Variants in ARHGAP6 observed in about 807,000 individuals in gnomAD.
ARHGAP6 encodes the protein rho GTPase-activating protein 6.
ARHGAP6 carries 16 observed loss-of-function variants against 55.7 expected under a neutral mutation model. The observed-to-expected ratio is 0.29, with a 90% CI of 0.19 to 0.44. ARHGAP6 has a LOEUF of 0.44. Ranked by LOEUF, ARHGAP6 falls within the 20% of genes least tolerant of loss-of-function variation. The pLI is 1.00. For missense variants in ARHGAP6, 698 were observed against 808.9 expected (o/e 0.86, Z 1.66); for synonymous variants, 382 against 360.9 (o/e 1.06, Z -0.66).
At chrX:11,254,258 T>A (rs2047462747) in intron 2 of ARHGAP6, among the ~76,000 whole-genome samples, 1 of 111,980 alleles carries the variant, frequency 8.9e-6, no homozygotes, top group Non-Finnish European at 1.9e-5. Context: ...TTCCTGAAAA[T>A]TATTTTTAAT....
chrX:11,254,739 T>C, intron 1 of ARHGAP6, 32 bp from the exon 2 acceptor site: 1 of 708,745 alleles, frequency 1.4e-6, no homozygotes. Flanking sequence ...AAAAAAAAAA[T>C]CAAGAGTTAC....
At chrX:11,645,377 T>C (rs2052516365) in intron 1 of ARHGAP6, among the ~76,000 whole-genome samples, 2 of 111,225 alleles carry the variant, frequency 1.8e-5, no homozygotes, top group South Asian at 7.5e-4. Flanking sequence ...AAACATCTCA[T>C]CCACAGTAGC....
At chrX:11,224,324 A>C in intron 2 of ARHGAP6, 1 of 442,126 alleles carries the variant, frequency 2.3e-6, no homozygotes, top group Non-Finnish European at 3.0e-6. Context: ...AGAGAGAAGA[A>C]GGAGAAGAAC....
intron 9 of ARHGAP6, among the ~76,000 whole-genome samples, chrX:11,162,495 C>T (rs937379478): frequency 6.3e-5 from 7 of 111,215 alleles, no homozygotes; most frequent in African/African-American, 2.3e-4. Context: ...AAGGTCTTAC[C>T]TGCACTTCTA....
chrX:11,448,156 G>T lies in ARHGAP6; in HGVS notation c.589-193449C>A, dbSNP rs749268752. 2.0e-4 allele frequency among the ~76,000 whole-genome samples: 23 copies of T among 112,317 alleles called. No homozygotes were observed. The South Asian group carries it at 7.0e-3, about 34-fold the overall frequency. On this transcript the variant is annotated intron_variant, in intron 1 of 12. Transcript: ENST00000337414. Reference sequence around the variant, plus strand: ...TCTCTGTCATGCATCCACTATAATTGTACCACTTGGAAATCTTAACCTCAA... The same window carrying T: ...TCTCTGTCATGCATCCACTATAATTTTACCACTTGGAAATCTTAACCTCAA...
intron 1 of ARHGAP6, among the ~76,000 whole-genome samples, chrX:11,470,590 A>C (rs1195638361): frequency 3.5e-5 from 4 of 112,943 alleles, no homozygotes; most frequent in African/African-American, 1.3e-4. Context: ...TTTTGAACTT[A>C]GATTTAGAAG....
chrX:11,528,051 C>T (rs745890423), intron 1 of ARHGAP6, among the ~76,000 whole-genome samples: 2 of 112,412 alleles, frequency 1.8e-5, no homozygotes, highest in South Asian at 3.6e-4. Flanking sequence ...CTTGTGGATA[C>T]AAGTTTCAGT....
chrX:11,598,314 A>G (rs2051926187), intron 1 of ARHGAP6, among the ~76,000 whole-genome samples: 1 of 112,263 alleles, frequency 8.9e-6, no homozygotes, highest in South Asian at 3.8e-4. Flanking sequence ...ACAAAAACCT[A>G]CAAAGAATAC....
At chrX:11,555,604 A>G (rs2051312709) in intron 1 of ARHGAP6, among the ~76,000 whole-genome samples, 1 of 110,389 alleles carries the variant, frequency 9.1e-6, no homozygotes, top group South Asian at 3.9e-4. Flanking sequence ...AATACAAAAA[A>G]ATTAGCCAGG....
chrX:11,498,543 T>A (rs994299003), intron 1 of ARHGAP6, among the ~76,000 whole-genome samples: 1 of 111,479 alleles, frequency 9.0e-6, no homozygotes, highest in Non-Finnish European at 1.9e-5. Flanking sequence ...AAGGGCCCAC[T>A]ATGTGCTCAG....
chrX:11,440,826 C>A (rs1405427440), intron 1 of ARHGAP6, among the ~76,000 whole-genome samples: 3 of 111,998 alleles, frequency 2.7e-5, no homozygotes, highest in Admixed American at 9.5e-5. Flanking sequence ...ACAGCACCAG[C>A]AAATCAAGAA....
chrX:11,625,286 AGTGTGTGT>A (rs56128798), intron 1 of ARHGAP6, among the ~76,000 whole-genome samples: 2 of 98,023 alleles, frequency 2.0e-5, no homozygotes, highest in South Asian at 4.9e-4. Context: ...GAAAATGTGG[AGTGTGTGT>A]GTGTGTGTGT....
At chrX:11,662,122 T>C (rs1473731920) in intron 1 of ARHGAP6, among the ~76,000 whole-genome samples, 1 of 112,131 alleles carries the variant, frequency 8.9e-6, no homozygotes, top group African/African-American at 3.2e-5. Context: ...AGATGCTCAT[T>C]GGCTGACATT....
At chrX:11,316,661 C>T (rs1206469511) in intron 1 of ARHGAP6, among the ~76,000 whole-genome samples, 1 of 112,122 alleles carries the variant, frequency 8.9e-6, no homozygotes, top group African/African-American at 3.2e-5. Flanking sequence ...GAATTTATTC[C>T]TTTTGTCTAA....
chrX:11,425,878 A>C (rs2049873917), intron 1 of ARHGAP6, among the ~76,000 whole-genome samples: 1 of 111,901 alleles, frequency 8.9e-6, no homozygotes, highest in Admixed American at 9.4e-5. Context: ...TCAGATCATG[A>C]ATCAAAGGGT....
intron 1 of ARHGAP6, among the ~76,000 whole-genome samples, chrX:11,319,290 A>G (rs908893762): frequency 8.9e-6 from 1 of 112,088 alleles, no homozygotes; most frequent in Non-Finnish European, 1.9e-5. Flanking sequence ...CTTGCCAGCC[A>G]TCCAACCATC....
intron 1 of ARHGAP6, among the ~76,000 whole-genome samples, chrX:11,276,345 A>G (rs930218107): frequency 8.9e-6 from 1 of 112,189 alleles, no homozygotes; most frequent in African/African-American, 3.2e-5. Flanking sequence ...AAACAGCACT[A>G]ACATTTTGTG....
At chrX:11,509,019 C>G (rs962989843) in intron 1 of ARHGAP6, among the ~76,000 whole-genome samples, 3 of 111,632 alleles carry the variant, frequency 2.7e-5, no homozygotes, top group African/African-American at 9.8e-5. Context: ...TTAAGGAAAA[C>G]TTCAAATTAT....
At chrX:11,291,871 A>G (rs1272093405) in intron 1 of ARHGAP6, among the ~76,000 whole-genome samples, 2 of 111,735 alleles carry the variant, frequency 1.8e-5, no homozygotes, top group East Asian at 5.6e-4. Flanking sequence ...TCTCTCCCTG[A>G]TTGGAAGGTC....
Sources: allele counts gnomAD v4.1 joint callset (sites outside exome capture counted in the v4.1 genomes callset), GRCh38; gene constraint gnomAD v4.1.1; transcripts MANE v1.5; gene names NCBI Gene and HGNC (gene_info 2026-07-23, HGNC 2026-07-21).